ASH1L: variants seen among roughly 807,000 people sequenced by gnomAD.
ASH1L encodes ASH1 like histone lysine methyltransferase, also known as histone-lysine N-methyltransferase ASH1L.
ASH1L carries 23 observed loss-of-function variants against 269.0 expected under a neutral mutation model. The ratio of observed to expected loss-of-function variants is 0.09; its 90% CI spans 0.06 to 0.12. ASH1L has a LOEUF of 0.12. Among genes scored for constraint, ASH1L ranks in the 10% least tolerant of loss-of-function variants. ASH1L has a pLI of 1.00. For synonymous variants in ASH1L, 1,187 were observed against 1,253.5 expected (o/e 0.95, Z 1.12); for missense variants, 2,912 against 3,567.8 (o/e 0.82, Z 4.68).
chr1:155,425,965 T>G (rs977908993), intron 5 of ASH1L, among the ~76,000 whole-genome samples: 1 of 151,504 alleles, frequency 6.6e-6, no homozygotes, highest in African/African-American at 2.4e-5. Flanking sequence ...CTCGGCTCAC[T>G]GCAAGCTCTG....
intron 2 of ASH1L, among the ~76,000 whole-genome samples, chr1:155,488,668 C>CAAAAAAAAAAAA (rs371829476): frequency 3.4e-5 from 1 of 29,190 alleles, no homozygotes; most frequent in African/African-American, 1.2e-4. Context: ...GACTCTGTCA[C>CAAAAAAAAAAAA]AAAAAAAAAA....
intron 1 of ASH1L, among the ~76,000 whole-genome samples, chr1:155,554,084 T>C (rs1671409850): frequency 7.3e-6 from 1 of 136,586 alleles, no homozygotes; most frequent in Non-Finnish European, 1.6e-5. Context: ...CCGGCCCGAG[T>C]TTTTTTTTTT....
intron 17 of ASH1L, among the ~76,000 whole-genome samples, chr1:155,352,297 CAAAAAAA>C (rs1281473342): frequency 1.5e-3 from 42 of 28,130 alleles, no homozygotes; most frequent in African/African-American, 4.9e-3. Context: ...ACCTCCATCT[CAAAAAAA>C]AAAAAAAAAA....
rs1162059029 is a variant in ASH1L, at chr1:155,481,417, T to C, written c.1453A>G (p.Lys485Glu). 4 of 1,614,078 alleles carry C rather than the reference T, an allele frequency of 2.5e-6. No homozygotes were observed. The highest frequency in any genetic ancestry group is 3.4e-6 in the Non-Finnish European group (4 of 1,179,992). The change falls in exon 3 of 28, where the codon AAA (lysine) becomes GAA (glutamate). Residue 485 changes from lysine (K) to glutamate (E), a missense_variant. Lys to Glu is a moderately conservative substitution (Grantham distance 56). Around this residue, in one of 13 missense-constraint regions of ASH1L, gnomAD observed 715 missense variants for 721.0 expected, o/e 0.99. Transcript: ENST00000392403. ...ESILEKFSVR[K>E]EIINLEKEMF... ...TCTTTCTCCAAATTAATGATTTCTT[T>C]TCGTACTGAGAACTTTTCCAATATG...
intron 1 of ASH1L, among the ~76,000 whole-genome samples, chr1:155,523,860 GA>G (rs113993237): frequency 2.0e-5 from 3 of 150,270 alleles, no homozygotes; most frequent in African/African-American, 4.9e-5. Flanking sequence ...GACAGAGCAA[GA>G]AAAAAAAAGG....
intron 4 of ASH1L, among the ~76,000 whole-genome samples, chr1:155,458,198 C>T (rs1177854158): frequency 2.0e-5 from 3 of 152,110 alleles, no homozygotes; most frequent in Non-Finnish European, 2.9e-5. Context: ...TCACTTGCTG[C>T]CAAGCAGACA....
At chr1:155,534,054 T>G (rs905423921) in intron 1 of ASH1L, among the ~76,000 whole-genome samples, 3 of 151,146 alleles carry the variant, frequency 2.0e-5, no homozygotes, top group Admixed American at 2.0e-4. Flanking sequence ...TATTATTATT[T>G]TTATTTATTT....
intron 1 of ASH1L, among the ~76,000 whole-genome samples, chr1:155,522,205 T>C (rs1668937074): frequency 6.6e-6 from 1 of 152,358 alleles, no homozygotes; most frequent in East Asian, 1.9e-4. Flanking sequence ...ATCAGGCTTT[T>C]TGAGGTTAGG....
At chr1:155,414,043 A>G (rs1660014035) in intron 6 of ASH1L, among the ~76,000 whole-genome samples, 1 of 152,200 alleles carries the variant, frequency 6.6e-6, no homozygotes, top group South Asian at 2.1e-4. Flanking sequence ...ATAAAGTGGT[A>G]TGGTTTACAT....
rs1656551760 is a variant in ASH1L, at chr1:155,377,411, C to G, written c.6332+870G>C. ...CATTGTGGCAACCATATATTGAGAGCTAGGAAGGTACCTAGGACTGTGCTT... is the reference window on the plus strand; with the variant it reads ...CATTGTGGCAACCATATATTGAGAGGTAGGAAGGTACCTAGGACTGTGCTT... On this transcript the variant is annotated intron_variant, in intron 10 of 27. Coordinates refer to ENST00000392403, the MANE Select transcript of ASH1L (RefSeq NM_018489.3). Among the ~76,000 whole-genome samples, 3 of 152,208 alleles carry G rather than the reference C, an allele frequency of 2.0e-5. No individual in the cohort carries two copies. The East Asian group carries it at 5.8e-4, about 29-fold the overall frequency.
intron 3 of ASH1L, among the ~76,000 whole-genome samples, chr1:155,462,791 T>C (rs1664400557): frequency 6.6e-6 from 1 of 152,220 alleles, no homozygotes; most frequent in Admixed American, 6.5e-5. Flanking sequence ...AGAGCAGAGC[T>C]ATTCTTAACA....
chr1:155,535,909 A>T (rs1670023246), intron 1 of ASH1L, among the ~76,000 whole-genome samples: 1 of 152,214 alleles, frequency 6.6e-6, no homozygotes, highest in African/African-American at 2.4e-5. Flanking sequence ...GAGGCAGGAG[A>T]ATCTCTTGAA....
At chr1:155,542,155 G>A (rs1344810113) in intron 1 of ASH1L, among the ~76,000 whole-genome samples, 6 of 152,114 alleles carry the variant, frequency 3.9e-5, no homozygotes, top group East Asian at 1.9e-4. Flanking sequence ...TTGTGTTTCC[G>A]AGAAATATAT....
At chr1:155,341,164 G>A (rs1652760195) in intron 25 of ASH1L, among the ~76,000 whole-genome samples, 1 of 141,514 alleles carries the variant, frequency 7.1e-6, no homozygotes, top group Admixed American at 7.2e-5. Flanking sequence ...TAGAGACGGG[G>A]TTTCAATGTT....
At chr1:155,427,665 C>G (rs953905964) in intron 5 of ASH1L, among the ~76,000 whole-genome samples, 2 of 152,102 alleles carry the variant, frequency 1.3e-5, no homozygotes, top group African/African-American at 4.8e-5. Flanking sequence ...TCTTAAACTC[C>G]TGACCTCAGG....
chr1:155,385,366 C>T (rs1657341292), intron 7 of ASH1L, among the ~76,000 whole-genome samples: 1 of 152,140 alleles, frequency 6.6e-6, no homozygotes, highest in Non-Finnish European at 1.5e-5. Context: ...ATCACTTGAA[C>T]CTGGGAGGTA....
intron 1 of ASH1L, among the ~76,000 whole-genome samples, chr1:155,546,357 T>C (rs1437469010): frequency 6.6e-6 from 1 of 151,948 alleles, no homozygotes; most frequent in Non-Finnish European, 1.5e-5. Context: ...ATTATTGCAT[T>C]ACCATAATGG....
intron 1 of ASH1L, among the ~76,000 whole-genome samples, chr1:155,530,136 CG>C (rs1558196847): frequency 6.6e-6 from 1 of 152,006 alleles, no homozygotes; most frequent in African/African-American, 2.4e-5. Context: ...TTTGTCTAAA[CG>C]TAATTTTACA....
chr1:155,390,639 C>A (rs554585044), intron 7 of ASH1L, among the ~76,000 whole-genome samples: 3 of 136,374 alleles, frequency 2.2e-5, no homozygotes, highest in Non-Finnish European at 3.2e-5. Flanking sequence ...TTCTCCCCCC[C>A]CCCCCTTTTT....
Sources: gnomAD v4.1 joint callset for allele counts (sites outside exome capture counted in the v4.1 genomes callset) on GRCh38, gnomAD v4.1.1 for gene constraint, gnomAD v4.1.1 regional missense constraint, MANE v1.5 for transcripts, NCBI Gene and HGNC (gene_info 2026-07-23, HGNC 2026-07-21) for gene names.